PPP1R14C: variants seen among roughly 807,000 people sequenced by gnomAD.
The protein encoded by PPP1R14C is protein phosphatase 1 regulatory inhibitor subunit 14C.
In PPP1R14C, 16 loss-of-function variants were observed where a neutral mutation model predicts 20.4. The observed-to-expected ratio is 0.78, with a 90% CI of 0.53 to 1.19. The LOEUF (loss-of-function observed/expected upper bound fraction) is 1.19, where lower values mean the gene tolerates loss of function less well. Ranked by LOEUF, PPP1R14C falls within the 50% of genes most tolerant of loss-of-function variation. The pLI is 0.00. For missense variants in PPP1R14C, 211 were observed against 220.1 expected, an observed-to-expected ratio of 0.96 and a Z score of 0.26; for synonymous variants, 91 against 91.0, an observed-to-expected ratio of 1.00 and a Z score of 0.00.
Position 150,246,379 on chromosome 6 carries a change from ACAG to A in PPP1R14C, c.424-2366_424-2364del, listed in dbSNP as rs553373727. ...ATATGCATAACAGATTCCAAAAACA[ACAG>A]AATTGAAACTGTATGTGCAGAATAC... On this transcript the variant is annotated intron_variant, in intron 3 of 3. Transcript: ENST00000361131. 2.1e-3 allele frequency among the ~76,000 whole-genome samples: 325 copies of A among 152,258 alleles called. 3 individuals carry two copies. Among genetic ancestry groups the A allele is most frequent in the African/African-American group, 7.4e-3 (307 of 41,560 alleles).
intron 1 of PPP1R14C, among the ~76,000 whole-genome samples, chr6:150,156,924 G>T (rs1486129400): frequency 6.6e-5 from 10 of 152,294 alleles, no homozygotes; most frequent in African/African-American, 2.4e-4. Context: ...TTAGGTAAAT[G>T]GAAAGGTTGT....
At chr6:150,218,307 G>A (rs1456011605) in intron 3 of PPP1R14C, among the ~76,000 whole-genome samples, 1 of 152,128 alleles carries the variant, frequency 6.6e-6, no homozygotes, top group Non-Finnish European at 1.5e-5. Flanking sequence ...GGAGGCTGAG[G>A]CAGGAGAATG....
At chr6:150,173,870 C>T (rs1331761444) in intron 1 of PPP1R14C, among the ~76,000 whole-genome samples, 1 of 152,072 alleles carries the variant, frequency 6.6e-6, no homozygotes, top group East Asian at 1.9e-4. Context: ...CTCGTGAGTT[C>T]TGCTCACGCC....
intron 1 of PPP1R14C, among the ~76,000 whole-genome samples, chr6:150,162,923 G>GT (rs1777386199): frequency 6.6e-6 from 1 of 152,164 alleles, no homozygotes; most frequent in Admixed American, 6.5e-5. Context: ...CATTGCATTT[G>GT]TATCTGAGCC....
intron 1 of PPP1R14C, among the ~76,000 whole-genome samples, chr6:150,214,249 A>G (rs1437808688): frequency 6.6e-6 from 1 of 152,208 alleles, no homozygotes. Context: ...GGACCCCCAA[A>G]TAAAGATTGG....
At chr6:150,222,948 T>C (rs2114917673) in intron 3 of PPP1R14C, among the ~76,000 whole-genome samples, 1 of 152,080 alleles carries the variant, frequency 6.6e-6, no homozygotes, top group African/African-American at 2.4e-5. Flanking sequence ...TTTGTGTTTT[T>C]ACTAGAGACT....
At chr6:150,198,202 C>T (rs1449839907) in intron 1 of PPP1R14C, among the ~76,000 whole-genome samples, 2 of 142,470 alleles carry the variant, frequency 1.4e-5, no homozygotes, top group African/African-American at 2.7e-5. Context: ...TGCCCCTGGC[C>T]GCCACGGTGG....
chr6:150,226,663 C>T (rs760412736), intron 3 of PPP1R14C, among the ~76,000 whole-genome samples: 3 of 152,104 alleles, frequency 2.0e-5, no homozygotes, highest in East Asian at 1.9e-4. Context: ...GATACCTATG[C>T]CATTGCTCTT....
intron 3 of PPP1R14C, among the ~76,000 whole-genome samples, chr6:150,228,012 G>T (rs1778249535): frequency 6.6e-6 from 1 of 152,286 alleles, no homozygotes; most frequent in East Asian, 1.9e-4. Context: ...GCTGGAATAG[G>T]ACCCACATTT....
At chr6:150,231,706 G>T (rs1778298238) in intron 3 of PPP1R14C, among the ~76,000 whole-genome samples, 1 of 152,178 alleles carries the variant, frequency 6.6e-6, no homozygotes, top group African/African-American at 2.4e-5. Flanking sequence ...GGATTATTTT[G>T]TATGCATTGT....
chr6:150,224,686 C>T (rs1006611834), intron 3 of PPP1R14C, among the ~76,000 whole-genome samples: 1 of 152,178 alleles, frequency 6.6e-6, no homozygotes, highest in Non-Finnish European at 1.5e-5. Flanking sequence ...TCTATCGGAG[C>T]CCTTAGCGTA....
intron 1 of PPP1R14C, among the ~76,000 whole-genome samples, chr6:150,148,538 C>T (rs374961265): frequency 6.6e-6 from 1 of 152,178 alleles, no homozygotes; most frequent in African/African-American, 2.4e-5. Context: ...GAGGCCTCTC[C>T]TTTTACATGC....
At chr6:150,192,516 C>CAAGA (rs1314632256) in intron 1 of PPP1R14C, among the ~76,000 whole-genome samples, 1 of 152,156 alleles carries the variant, frequency 6.6e-6, no homozygotes, top group Non-Finnish European at 1.5e-5. Flanking sequence ...TGCCCATGTT[C>CAAGA]ACCTCCTACT....
At chr6:150,179,176 TA>T (rs1409089203) in intron 1 of PPP1R14C, among the ~76,000 whole-genome samples, 1 of 152,100 alleles carries the variant, frequency 6.6e-6, no homozygotes, top group African/African-American at 2.4e-5. Context: ...GAGGCCAAGC[TA>T]GGGGCGCTGC....
intron 1 of PPP1R14C, among the ~76,000 whole-genome samples, chr6:150,165,280 G>T (rs1410846201): frequency 6.6e-6 from 1 of 152,264 alleles, no homozygotes; most frequent in African/African-American, 2.4e-5. Context: ...CAGCTGGTTG[G>T]TGGACAGGTC....
intron 1 of PPP1R14C, among the ~76,000 whole-genome samples, chr6:150,147,432 C>G (rs1297404879): frequency 6.6e-6 from 1 of 152,096 alleles, no homozygotes; most frequent in African/African-American, 2.4e-5. Flanking sequence ...ACTGCCTCAG[C>G]CTCCCAAAGT....
intron 1 of PPP1R14C, among the ~76,000 whole-genome samples, chr6:150,203,912 T>A (rs1013240432): frequency 2.0e-5 from 3 of 152,264 alleles, no homozygotes; most frequent in African/African-American, 7.2e-5. Context: ...GCTGGACTGC[T>A]GCTGCTCTGT....
intron 3 of PPP1R14C, among the ~76,000 whole-genome samples, chr6:150,241,846 CA>C (rs1778434866): frequency 6.6e-6 from 1 of 152,110 alleles, no homozygotes; most frequent in Non-Finnish European, 1.5e-5. Flanking sequence ...GAGATCATGC[CA>C]TTGCACTCCA....
intron 3 of PPP1R14C, among the ~76,000 whole-genome samples, chr6:150,246,333 C>A (rs1054344227): frequency 6.6e-6 from 1 of 151,748 alleles, no homozygotes; most frequent in Non-Finnish European, 1.5e-5. Context: ...CATTCAAATA[C>A]TGAAACTTTT....
Sources: gnomAD v4.1 joint callset for allele counts (sites outside exome capture counted in the v4.1 genomes callset) on GRCh38, gnomAD v4.1.1 for gene constraint, MANE v1.5 for transcripts, NCBI Gene and HGNC (gene_info 2026-07-23, HGNC 2026-07-21) for gene names.